The following TBC1D14 variants were observed in gnomAD, a reference collection of about 807,000 sequenced individuals.
TBC1D14 encodes the protein TBC1 domain family member 14, also known as TBC1 domain family, member 14.
In TBC1D14, 26 loss-of-function variants were observed where a neutral mutation model predicts 79.0. That is an observed-to-expected ratio of 0.33 (90% CI 0.24 to 0.46). The LOEUF is 0.46. Among genes scored for constraint, TBC1D14 ranks in the 20% least tolerant of loss-of-function variants. The probability of loss-of-function intolerance (pLI) is 1.00; values close to 1 mark genes in which losing one functional copy is unlikely to be tolerated. For synonymous variants in TBC1D14, 394 were observed against 349.9 expected, an observed-to-expected ratio of 1.13 and a Z score of -1.40; for missense variants, 769 against 887.6, an observed-to-expected ratio of 0.87 and a Z score of 1.70.
At chr4:6,996,281 A>T (rs754960786) in intron 4 of TBC1D14, 44 bp from the exon 5 acceptor site, 43 of 1,499,482 alleles carry the variant, frequency 2.9e-5, no homozygotes, top group Non-Finnish European at 3.8e-5. Context: ...AAAGACTTCT[A>T]TGCGGTATTT....
chr4:6,918,727 G>A (rs921773328), intron 1 of TBC1D14, among the ~76,000 whole-genome samples: 2 of 152,204 alleles, frequency 1.3e-5, no homozygotes, highest in African/African-American at 4.8e-5. Flanking sequence ...CTTTTTGCTA[G>A]TTTGATCTGC....
At position 6,923,593 on chromosome 4, in the gene TBC1D14, T is replaced by C; in HGVS notation, c.204T>C (p.Ile68=). 1 of 1,614,062 alleles carries C rather than the reference T, an allele frequency of 6.2e-7. No homozygotes were observed. Among genetic ancestry groups the C allele is most frequent in the Middle Eastern group, 1.6e-4 (1 of 6,062 alleles). Residue 68 remains isoleucine, a synonymous_variant, in exon 2 of 14, where the codon ATT becomes ATC. Transcript: ENST00000409757. Reference sequence around the variant, plus strand: ...GCCTCCAGTCCGTGGACTCGGGGATTCCTACCCTGGAGATCGGGAACCCGG... The same window carrying C: ...GCCTCCAGTCCGTGGACTCGGGGATCCCTACCCTGGAGATCGGGAACCCGG... ...RHSLQSVDSG[I]PTLEIGNPEP...
chr4:6,911,909 C>T (rs997463067), intron 1 of TBC1D14, among the ~76,000 whole-genome samples: 15 of 152,092 alleles, frequency 9.9e-5, no homozygotes, highest in Admixed American at 9.2e-4. Flanking sequence ...TAATACATAA[C>T]GCAACAGGAT....
At chr4:6,979,147 A>G in intron 3 of TBC1D14, among the ~76,000 whole-genome samples, 1 of 152,200 alleles carries the variant, frequency 6.6e-6, no homozygotes, top group East Asian at 1.9e-4. Context: ...ATCAAAATGG[A>G]GTTCTAAAAA....
At chr4:6,991,575 T>C (rs920122106) in intron 3 of TBC1D14, among the ~76,000 whole-genome samples, 16 of 152,214 alleles carry the variant, frequency 1.1e-4, no homozygotes, top group Non-Finnish European at 2.4e-4. Context: ...TTTTTTTTCT[T>C]GAACCTTCGT....
At chr4:6,914,515 C>G (rs1723240749) in intron 1 of TBC1D14, among the ~76,000 whole-genome samples, 1 of 152,198 alleles carries the variant, frequency 6.6e-6, no homozygotes, top group African/African-American at 2.4e-5. Flanking sequence ...CAGTGAGTGC[C>G]TCGGCTACTC....
At chr4:7,000,539 G>A (rs1432354762) in intron 6 of TBC1D14, among the ~76,000 whole-genome samples, 1 of 152,234 alleles carries the variant, frequency 6.6e-6, no homozygotes, top group African/African-American at 2.4e-5. Flanking sequence ...GAGGCACCAC[G>A]GGGGCCTGGT....
chr4:6,957,100 G>A (rs982144508), intron 2 of TBC1D14, among the ~76,000 whole-genome samples: 2 of 152,182 alleles, frequency 1.3e-5, no homozygotes, highest in African/African-American at 2.4e-5. Flanking sequence ...GGGTGGCGCC[G>A]GCCAGCTGTT....
chr4:6,942,750 A>G (rs62292202), intron 2 of TBC1D14, among the ~76,000 whole-genome samples: 41,998 of 152,042 alleles, frequency 0.28, 6,005 homozygotes, highest in Admixed American at 0.32. Flanking sequence ...ACCAGGCACG[A>G]GGAAGAAGGA....
chr4:7,018,166 C>T (rs1721464239), intron 12 of TBC1D14, among the ~76,000 whole-genome samples: 1 of 152,220 alleles, frequency 6.6e-6, no homozygotes, highest in Admixed American at 6.5e-5. Context: ...GACACGTCCA[C>T]ACCCATCACA....
At chr4:6,939,086 C>T (rs765085015) in intron 2 of TBC1D14, among the ~76,000 whole-genome samples, 17 of 152,208 alleles carry the variant, frequency 1.1e-4, no homozygotes, top group Non-Finnish European at 2.1e-4. Context: ...CAGCAGTGGA[C>T]GGCATCCTGG....
At chr4:6,913,848 G>A (rs1723186452) in intron 1 of TBC1D14, among the ~76,000 whole-genome samples, 1 of 152,128 alleles carries the variant, frequency 6.6e-6, no homozygotes, top group Admixed American at 6.5e-5. Context: ...AAATGTCCTG[G>A]CCAGGCGCTG....
At chr4:6,954,663 C>G (rs1039963065) in intron 2 of TBC1D14, among the ~76,000 whole-genome samples, 2 of 152,194 alleles carry the variant, frequency 1.3e-5, no homozygotes, top group Non-Finnish European at 2.9e-5. Context: ...TGCAGTGGCA[C>G]GATCTTGGCT....
At chr4:6,971,946 G>A (rs1456060069) in intron 3 of TBC1D14, among the ~76,000 whole-genome samples, 6 of 152,350 alleles carry the variant, frequency 3.9e-5, no homozygotes, top group South Asian at 4.1e-4. Context: ...CTGGTGAACC[G>A]GAGAAGTTAT....
intron 1 of TBC1D14, among the ~76,000 whole-genome samples, chr4:6,911,564 C>A (rs528011143): frequency 2.6e-5 from 4 of 152,394 alleles, no homozygotes; most frequent in Non-Finnish European, 5.9e-5. Flanking sequence ...CTGGCTTCTG[C>A]TGTTCCCCTG....
At position 7,019,089 on chromosome 4, in the gene TBC1D14, T is replaced by C. The variant is rs533517955; in HGVS notation, c.1757+4532T>C. ...CCAGGCTTGAGTGCAGTGGTGGATC[T>C]CGGCTCACTGCAAGCTCCGCCTCCC... On this transcript the variant is annotated intron_variant, in intron 12 of 13. Coordinates refer to ENST00000409757, the MANE Select transcript of TBC1D14 (RefSeq NM_020773.3). 1.4e-4 allele frequency among the ~76,000 whole-genome samples: 21 copies of C among 151,814 alleles called. No individual in the cohort carries two copies. In the East Asian group the frequency reaches 4.1e-3, roughly 29 times the overall value.
chr4:6,996,425 T>G lies in TBC1D14; in HGVS notation c.1045+18T>G. Reference sequence around the variant, plus strand: ...AAAGCGAGGTAATGGGGTTCACACTTGATGGGTTAAATCAGGCAGCACAGG... The same window carrying G: ...AAAGCGAGGTAATGGGGTTCACACTGGATGGGTTAAATCAGGCAGCACAGG... On this transcript the variant is annotated intron_variant, in intron 5 of 13. Coordinates refer to ENST00000409757, the MANE Select transcript of TBC1D14 (RefSeq NM_020773.3). 6.3e-7 allele frequency: 1 copy of G among 1,593,304 alleles called. No individual in the cohort carries two copies. The highest frequency in any genetic ancestry group is 8.6e-7 in the Non-Finnish European group (1 of 1,161,610).
intron 5 of TBC1D14, among the ~76,000 whole-genome samples, chr4:6,997,506 G>A (rs1719180189): frequency 1.3e-5 from 2 of 151,986 alleles, no homozygotes; most frequent in Admixed American, 1.3e-4. Flanking sequence ...CATGCCTGTA[G>A]TCCCAGCTAC....
Position 7,009,932 on chromosome 4 carries a change from G to A in TBC1D14, c.1502G>A (p.Arg501Gln), listed in dbSNP as rs778169250. 6.2e-7 allele frequency: 1 copy of A among 1,614,136 alleles called. No homozygotes were observed. Among genetic ancestry groups the A allele is most frequent in the South Asian group, 1.1e-5 (1 of 91,082 alleles). ...HSILGAYTCY[R>Q]PDVGYVQGMS... is the part of the protein sequence containing the mutation. Reference sequence around the variant, plus strand: ...ATTTTGGGCGCTTATACTTGTTACCGGCCAGATGTGGGTTATGTAAGTGAA... The same window carrying A: ...ATTTTGGGCGCTTATACTTGTTACCAGCCAGATGTGGGTTATGTAAGTGAA... The change falls in exon 10 of 14, where the codon CGG (arginine) becomes CAG (glutamine). Residue 501 changes from arginine (R) to glutamine (Q), a missense_variant. Arg to Gln is a conservative substitution (Grantham distance 43). Around this residue, in one of 2 missense-constraint regions of TBC1D14, gnomAD observed 367 missense variants for 494.4 expected, o/e 0.74. Transcript: ENST00000409757.
Sources: allele counts gnomAD v4.1 joint callset (sites outside exome capture counted in the v4.1 genomes callset), GRCh38; gene constraint gnomAD v4.1.1; regional missense constraint gnomAD v4.1.1; transcripts MANE v1.5; gene names NCBI Gene and HGNC (gene_info 2026-07-23, HGNC 2026-07-21).